KIRREL3: variants seen among roughly 807,000 people sequenced by gnomAD.
The protein encoded by KIRREL3 is kin of IRRE-like protein 3.
In KIRREL3, 36 loss-of-function variants were observed where a neutral mutation model predicts 89.7. The ratio of observed to expected loss-of-function variants is 0.40; its 90% CI spans 0.31 to 0.53. KIRREL3 has a LOEUF of 0.53. Ranked by LOEUF, KIRREL3 falls within the 20% of genes least tolerant of loss-of-function variation. KIRREL3 has a pLI of 0.49. For synonymous variants in KIRREL3, 445 were observed against 441.4 expected, an observed-to-expected ratio of 1.01 and a Z score of -0.10; for missense variants, 864 against 1,056.6, an observed-to-expected ratio of 0.82 and a Z score of 2.53.
chr11:126,589,430 C>T (rs1038560771), intron 1 of KIRREL3, among the ~76,000 whole-genome samples: 3 of 152,182 alleles, frequency 2.0e-5, no homozygotes, highest in Admixed American at 6.5e-5. Flanking sequence ...GCCCTCCGCC[C>T]GCCCACCAGC....
In KIRREL3 at chr11:126,837,616, A is replaced by T. The variant is rs1943824975; in HGVS notation, c.55+162839T>A. Among the ~76,000 whole-genome samples the T allele has an allele frequency of 6.6e-6, 1 of 152,234 alleles. No homozygotes were observed. Among genetic ancestry groups the T allele is most frequent in the African/African-American group, 2.4e-5 (1 of 41,462 alleles). On this transcript the variant is annotated intron_variant, in intron 1 of 16. Transcript: ENST00000525144. The surrounding 1 kb of genome is among the most constrained non-coding windows in gnomAD (Gnocchi z 4.7). ...ACTTACTCTGCTGTGAAAGTGTCAC[A>T]GCAACACAGGGAATAATGACTCCAT...
chr11:126,650,311 C>T (rs1413617791), intron 1 of KIRREL3, among the ~76,000 whole-genome samples: 1 of 152,224 alleles, frequency 6.6e-6, no homozygotes, highest in Non-Finnish European at 1.5e-5. Flanking sequence ...CTGCAGCCAG[C>T]TTGTATTTTT....
chr11:126,511,047 C>CTGTGTGTGTGTGTGTGTG (rs55885385), intron 4 of KIRREL3, among the ~76,000 whole-genome samples: 3 of 142,264 alleles, frequency 2.1e-5, no homozygotes, highest in Admixed American at 6.9e-5. Flanking sequence ...ATCTGCAGTG[C>CTGTGTGTGTGTGTGTGTG]TGTGTGTGTG....
In KIRREL3 at chr11:126,576,696, A is replaced by G. The variant is rs753942964; in HGVS notation, c.56-13784T>C. On this transcript the variant is annotated intron_variant, in intron 1 of 16. Transcript: ENST00000525144. The surrounding 1 kb of genome is among the most constrained non-coding windows in gnomAD (Gnocchi z 5.4). ...CACCAGTTGGTTTGAATGTGGGTGCACGTGCATGTATGAGTTCATTAATTT... is the reference window on the plus strand; with the variant it reads ...CACCAGTTGGTTTGAATGTGGGTGCGCGTGCATGTATGAGTTCATTAATTT... 4.6e-5 allele frequency among the ~76,000 whole-genome samples: 7 copies of G among 152,194 alleles called. No individual in the cohort carries two copies. The highest frequency in any genetic ancestry group is 9.6e-5 in the African/African-American group (4 of 41,452).
chr11:126,751,979 A>G (rs543465561), intron 1 of KIRREL3, among the ~76,000 whole-genome samples: 32 of 152,338 alleles, frequency 2.1e-4, no homozygotes, highest in African/African-American at 7.7e-4. Context: ...CTGGGATTAC[A>G]GGCATGAGCC....
rs1020253144 is a variant in KIRREL3 at position 126,909,098 on chromosome 11, G to A, written c.55+91357C>T. Among the ~76,000 whole-genome samples, 1 of 152,082 alleles carries A rather than the reference G, an allele frequency of 6.6e-6. No individual in the cohort carries two copies. The highest frequency in any genetic ancestry group is 2.4e-5 in the African/African-American group (1 of 41,396). ...TGGTTGAATCATCTCTGAAGGTGCA[G>A]AACCCAGGCGACACAGGGGGCCAAC... On this transcript the variant is annotated intron_variant, in intron 1 of 16. Transcript: ENST00000525144. The surrounding 1 kb of genome is among the most constrained non-coding windows in gnomAD (Gnocchi z 4.5).
intron 1 of KIRREL3, among the ~76,000 whole-genome samples, chr11:126,801,863 A>G (rs1192576455): frequency 1.3e-5 from 2 of 152,188 alleles, no homozygotes; most frequent in Non-Finnish European, 2.9e-5. Context: ...TGATCCCAGG[A>G]GTTCAAGGCT....
Position 126,795,306 on chromosome 11 carries a change from C to G in KIRREL3, c.55+205149G>C, listed in dbSNP as rs1950772064. ...AGATATACTACACTAATGCAAGATGCTAATAATGGGGGAAACTCAGGGCAG... is the reference window on the plus strand; with the variant it reads ...AGATATACTACACTAATGCAAGATGGTAATAATGGGGGAAACTCAGGGCAG... On this transcript the variant is annotated intron_variant, in intron 1 of 16. Transcript: ENST00000525144. This position sits in a 1 kb window ranked among gnomAD's most constrained non-coding sequence, Gnocchi z 4.1. Among the ~76,000 whole-genome samples, 1 of 152,108 alleles carries G rather than the reference C, an allele frequency of 6.6e-6. No individual in the cohort carries two copies. The highest frequency in any genetic ancestry group is 1.5e-5 in the Non-Finnish European group (1 of 68,020).
intron 1 of KIRREL3, among the ~76,000 whole-genome samples, chr11:126,583,502 A>G (rs1941664698): frequency 6.6e-6 from 1 of 152,184 alleles, no homozygotes; most frequent in African/African-American, 2.4e-5. Context: ...ACATATTTAC[A>G]TATCAAGATA....
chr11:126,934,653 T>C (rs1948100660), intron 1 of KIRREL3, among the ~76,000 whole-genome samples: 1 of 152,176 alleles, frequency 6.6e-6, no homozygotes, highest in African/African-American at 2.4e-5. Flanking sequence ...AACAGACAGT[T>C]CATAATGGAA....
intron 1 of KIRREL3, among the ~76,000 whole-genome samples, chr11:126,638,282 G>A (rs1273177867): frequency 6.6e-6 from 1 of 152,194 alleles, no homozygotes; most frequent in Non-Finnish European, 1.5e-5. Flanking sequence ...CACCTTGCTT[G>A]TTCTTAAAGA....
chr11:126,742,956 T>C lies in KIRREL3; in HGVS notation c.56-180044A>G, dbSNP rs1484767277. On this transcript the variant is annotated intron_variant, in intron 1 of 16. Transcript: ENST00000525144. The surrounding 1 kb of genome is among the most constrained non-coding windows in gnomAD (Gnocchi z 5.3). ...TTGGTTTGCTGTGGTTTGGAGTTTC[T>C]AGGTCAGCTGCCCAGGGGCTGTCCC... Among the ~76,000 whole-genome samples the C allele has an allele frequency of 6.6e-6, 1 of 152,204 alleles. No individual in the cohort carries two copies. The highest frequency in any genetic ancestry group is 2.4e-5 in the African/African-American group (1 of 41,452).
At position 126,999,841 on chromosome 11, in the gene KIRREL3, G is replaced by A. The variant is rs1395088851; in HGVS notation, c.55+614C>T. ...AATTTCATTTTATACCCTGAATTCA[G>A]TGCTGTGTAGGATTCAGAATTCAAC... On this transcript the variant is annotated intron_variant, in intron 1 of 16. Coordinates refer to ENST00000525144, the MANE Select transcript of KIRREL3 (RefSeq NM_032531.4). The surrounding 1 kb of genome is among the most constrained non-coding windows in gnomAD (Gnocchi z 5.7). Among the ~76,000 whole-genome samples the A allele has an allele frequency of 6.6e-6, 1 of 152,162 alleles. No homozygotes were observed. Among genetic ancestry groups the A allele is most frequent in the Admixed American group, 6.5e-5 (1 of 15,280 alleles).
At position 126,761,752 on chromosome 11, in the gene KIRREL3, G is replaced by A. The variant is rs981039146; in HGVS notation, c.56-198840C>T. Among the ~76,000 whole-genome samples, 1 of 152,214 alleles carries A rather than the reference G, an allele frequency of 6.6e-6. No homozygotes were observed. Among genetic ancestry groups the A allele is most frequent in the African/African-American group, 2.4e-5 (1 of 41,448 alleles). On this transcript the variant is annotated intron_variant, in intron 1 of 16. Coordinates refer to ENST00000525144, the MANE Select transcript of KIRREL3 (RefSeq NM_032531.4). This position sits in a 1 kb window ranked among gnomAD's most constrained non-coding sequence, Gnocchi z 4.4. ...CTCAGCCCCTGGGGGCTAGAGAAGA[G>A]TTATGAGCTGCACTAGTTTGTCTTG...
intron 1 of KIRREL3, among the ~76,000 whole-genome samples, chr11:126,979,236 G>T (rs1224949414): frequency 6.6e-6 from 1 of 152,174 alleles, no homozygotes; most frequent in African/African-American, 2.4e-5. Flanking sequence ...GAAATGAATA[G>T]AAATGAGAGT....
Position 126,948,312 on chromosome 11 carries a change from C to G in KIRREL3, c.55+52143G>C, listed in dbSNP as rs988307628. 2.0e-5 allele frequency among the ~76,000 whole-genome samples: 3 copies of G among 152,094 alleles called. No individual in the cohort carries two copies. The highest frequency in any genetic ancestry group is 4.4e-5 in the Non-Finnish European group (3 of 68,022). ...AGCATAAAAAAAAAACCTCTTTGGCCTGAACCTGTCCAACTTTATAGAGGG... is the reference window on the plus strand; with the variant it reads ...AGCATAAAAAAAAAACCTCTTTGGCGTGAACCTGTCCAACTTTATAGAGGG... On this transcript the variant is annotated intron_variant, in intron 1 of 16. Coordinates refer to ENST00000525144, the MANE Select transcript of KIRREL3 (RefSeq NM_032531.4). The surrounding 1 kb of genome is among the most constrained non-coding windows in gnomAD (Gnocchi z 4.5).
rs1451577603 is a variant in KIRREL3 at position 126,811,842 on chromosome 11, C to T, written c.55+188613G>A. Among the ~76,000 whole-genome samples, 1 of 152,162 alleles carries T rather than the reference C, an allele frequency of 6.6e-6. No individual in the cohort carries two copies. Among genetic ancestry groups the T allele is most frequent in the African/African-American group, 2.4e-5 (1 of 41,426 alleles). On this transcript the variant is annotated intron_variant, in intron 1 of 16. Coordinates refer to ENST00000525144, the MANE Select transcript of KIRREL3 (RefSeq NM_032531.4). The surrounding 1 kb of genome is among the most constrained non-coding windows in gnomAD (Gnocchi z 4.3). Reference sequence around the variant, plus strand: ...ACTCGGGTGATCCACCCGCCTTGGCCTCATAAAGTGCTGGGATTACAGGTG... The same window carrying T: ...ACTCGGGTGATCCACCCGCCTTGGCTTCATAAAGTGCTGGGATTACAGGTG...
Position 126,592,923 on chromosome 11 carries a change from C to T in KIRREL3, c.56-30011G>A, listed in dbSNP as rs556977466. Among the ~76,000 whole-genome samples, 19 of 151,852 alleles carry T rather than the reference C, an allele frequency of 1.3e-4. No individual in the cohort carries two copies. In the South Asian group the frequency reaches 3.5e-3, roughly 28 times the overall value. ...GCTGGGAGCAGAGGGCTGGGCGTGG[C>T]GTACCTTTCTTTCCTGTGAGGGGGC... is the stretch of plus-strand genomic sequence containing the variant. On this transcript the variant is annotated intron_variant, in intron 1 of 16. Coordinates refer to ENST00000525144, the MANE Select transcript of KIRREL3 (RefSeq NM_032531.4).
At chr11:126,720,269 T>C (rs1434647139) in intron 1 of KIRREL3, among the ~76,000 whole-genome samples, 1 of 152,164 alleles carries the variant, frequency 6.6e-6, no homozygotes, top group African/African-American at 2.4e-5. Flanking sequence ...AAATAAATAT[T>C]TGCTGAGGGG....
Sources: gnomAD v4.1 joint callset for allele counts (sites outside exome capture counted in the v4.1 genomes callset) on GRCh38, gnomAD v4.1.1 for gene constraint, Gnocchi (gnomAD v3.1) non-coding constraint, MANE v1.5 for transcripts, NCBI Gene and HGNC (gene_info 2026-07-23, HGNC 2026-07-21) for gene names.